The following BTBD9 variants were observed in gnomAD, a reference collection of about 807,000 sequenced individuals.
BTBD9 encodes BTB/POZ domain-containing protein 9.
Under a neutral mutation model 64.3 loss-of-function variants are expected in BTBD9, and 49 were observed. The observed-to-expected ratio is 0.76, with a 90% CI of 0.61 to 0.97. The LOEUF is 0.97. BTBD9 is among the 50% of genes least tolerant of loss of function. The pLI, the probability that BTBD9 is intolerant of heterozygous loss-of-function variation, is 0.00. For synonymous variants in BTBD9, 260 were observed against 274.7 expected (o/e 0.95, Z 0.53); for missense variants, 598 against 762.1 (o/e 0.78, Z 2.53).
At chr6:38,257,978 A>AT (rs1167135955) in intron 8 of BTBD9, among the ~76,000 whole-genome samples, 1 of 151,932 alleles carries the variant, frequency 6.6e-6, no homozygotes, top group Non-Finnish European at 1.5e-5. Context: ...CATTAAAAAA[A>AT]AAATATATAT....
At chr6:38,245,881 T>C (rs1214179042) in intron 9 of BTBD9, among the ~76,000 whole-genome samples, 1 of 152,232 alleles carries the variant, frequency 6.6e-6, no homozygotes, top group African/African-American at 2.4e-5. Flanking sequence ...CACAGCTCAC[T>C]GAGAAAGTTT....
chr6:38,244,250 G>C (rs1170834005), intron 9 of BTBD9, among the ~76,000 whole-genome samples: 1 of 152,174 alleles, frequency 6.6e-6, no homozygotes, highest in Non-Finnish European at 1.5e-5. Flanking sequence ...CCATTTCAGG[G>C]GAGGGGTTAA....
intron 6 of BTBD9, among the ~76,000 whole-genome samples, chr6:38,398,230 A>G (rs755269036): frequency 6.6e-6 from 1 of 152,238 alleles, no homozygotes; most frequent in African/African-American, 2.4e-5. Flanking sequence ...TAAAAACACT[A>G]TATTAAATGA....
intron 7 of BTBD9, among the ~76,000 whole-genome samples, chr6:38,330,753 CTATGA>C (rs1275985628): frequency 6.6e-6 from 1 of 152,020 alleles, no homozygotes; most frequent in African/African-American, 2.4e-5. Context: ...AGATATAAAT[CTATGA>C]TATATCTATT....
chr6:38,239,051 G>C (rs140845499), intron 9 of BTBD9, among the ~76,000 whole-genome samples: 214 of 152,162 alleles, frequency 1.4e-3, no homozygotes, highest in African/African-American at 4.0e-3. Context: ...GGTGGGACTC[G>C]GGAGAAGAGT....
intron 1 of BTBD9, among the ~76,000 whole-genome samples, chr6:38,600,734 G>A (rs561722780): frequency 6.6e-4 from 100 of 152,094 alleles, no homozygotes; most frequent in African/African-American, 2.2e-3. Flanking sequence ...GATGAACAAC[G>A]ATTGATTTTT....
At chr6:38,303,126 C>A (rs753069185) in intron 7 of BTBD9, among the ~76,000 whole-genome samples, 3 of 152,118 alleles carry the variant, frequency 2.0e-5, no homozygotes, top group Non-Finnish European at 4.4e-5. Context: ...CTTTGCCGTG[C>A]AGAAGCTTTT....
chr6:38,633,805 T>C (rs1278128621), intron 1 of BTBD9, among the ~76,000 whole-genome samples: 1 of 152,144 alleles, frequency 6.6e-6, no homozygotes, highest in African/African-American at 2.4e-5. Flanking sequence ...AAAAAAAATA[T>C]ACATCTCTAT....
intron 4 of BTBD9, among the ~76,000 whole-genome samples, chr6:38,591,960 G>A (rs1309438948): frequency 6.6e-6 from 1 of 152,102 alleles, no homozygotes; most frequent in Non-Finnish European, 1.5e-5. Flanking sequence ...CAAGGCAGGT[G>A]GATCACCTGA....
chr6:38,374,146 G>A (rs1765537351), intron 6 of BTBD9, among the ~76,000 whole-genome samples: 1 of 150,326 alleles, frequency 6.7e-6, no homozygotes, highest in Non-Finnish European at 1.5e-5. Context: ...GCACACGCTT[G>A]TAATCCCAGT....
At chr6:38,367,015 T>C (rs1765208144) in intron 6 of BTBD9, among the ~76,000 whole-genome samples, 1 of 152,182 alleles carries the variant, frequency 6.6e-6, no homozygotes, top group Admixed American at 6.5e-5. Context: ...AAGGGCCGAG[T>C]TGTTTTTCTT....
intron 7 of BTBD9, among the ~76,000 whole-genome samples, chr6:38,299,217 T>C (rs945848225): frequency 3.3e-5 from 5 of 152,240 alleles, no homozygotes; most frequent in African/African-American, 1.2e-4. Flanking sequence ...TAGTATTCCA[T>C]GGTGTGTATG....
intron 10 of BTBD9, among the ~76,000 whole-genome samples, chr6:38,187,636 G>T (rs961987580): frequency 6.6e-6 from 1 of 152,178 alleles, no homozygotes; most frequent in East Asian, 1.9e-4. Flanking sequence ...CAGTGGGGGG[G>T]AGTGAAAGTG....
rs191515295 is a variant in BTBD9 at position 38,204,406 on chromosome 6, C to T, written c.1563-11809G>A. 1.2e-4 allele frequency among the ~76,000 whole-genome samples: 18 copies of T among 152,238 alleles called. 1 individual carries two copies. The highest frequency in any genetic ancestry group is 3.4e-3 in the Middle Eastern group (1 of 294). On this transcript the variant is annotated intron_variant, in intron 9 of 10. Transcript: ENST00000481247. ...TCAGCAATAATAAGATTTTGATACA[C>T]GCTATTAATATAATATGATGAACCC...
intron 1 of BTBD9, among the ~76,000 whole-genome samples, chr6:38,639,447 C>T (rs988590483): frequency 3.9e-5 from 6 of 152,156 alleles, no homozygotes; most frequent in African/African-American, 1.4e-4. Flanking sequence ...CCGGGTTTCG[C>T]CTCCTCAGTC....
At chr6:38,244,863 G>T (rs1266859596) in intron 9 of BTBD9, among the ~76,000 whole-genome samples, 1 of 152,202 alleles carries the variant, frequency 6.6e-6, no homozygotes, top group Non-Finnish European at 1.5e-5. Flanking sequence ...AGAGAAGTTA[G>T]GAAGACACAT....
At chr6:38,267,573 G>A (rs1266841087) in intron 8 of BTBD9, among the ~76,000 whole-genome samples, 1 of 152,204 alleles carries the variant, frequency 6.6e-6, no homozygotes, top group African/African-American at 2.4e-5. Context: ...ACAGTGCAGG[G>A]ACCACGCATG....
intron 6 of BTBD9, among the ~76,000 whole-genome samples, chr6:38,428,874 T>A (rs1314031021): frequency 6.6e-6 from 1 of 151,360 alleles, no homozygotes; most frequent in Non-Finnish European, 1.5e-5. Flanking sequence ...CACGCCCGGC[T>A]AATTTTTTGT....
At chr6:38,360,253 A>C (rs1764895528) in intron 6 of BTBD9, among the ~76,000 whole-genome samples, 1 of 152,208 alleles carries the variant, frequency 6.6e-6, no homozygotes, top group African/African-American at 2.4e-5. Context: ...TAAATAATAC[A>C]TGTGTTAAGT....
Sources: gnomAD v4.1 joint callset for allele counts (sites outside exome capture counted in the v4.1 genomes callset) on GRCh38, gnomAD v4.1.1 for gene constraint, MANE v1.5 for transcripts, NCBI Gene and HGNC (gene_info 2026-07-23, HGNC 2026-07-21) for gene names.